Variants in LEMD1 observed in about 807,000 individuals in gnomAD.
The protein encoded by LEMD1 is LEM domain-containing protein 1.
In LEMD1, 18 loss-of-function variants were observed where a neutral mutation model predicts 17.4. The observed-to-expected ratio is 1.04, with a 90% CI of 0.72 to 1.54. The LOEUF (loss-of-function observed/expected upper bound fraction) is 1.54, where lower values mean the gene tolerates loss of function less well. Among genes scored for constraint, LEMD1 ranks in the 40% most tolerant of loss-of-function variants. The pLI, the probability that LEMD1 is intolerant of heterozygous loss-of-function variation, is 0.00. For synonymous variants in LEMD1, 88 were observed against 77.8 expected (o/e 1.13, Z -0.69); for missense variants, 195 against 210.4 (o/e 0.93, Z 0.45).
chr1:205,421,479 CTT>C (rs1665956264), intron 1 of LEMD1, among the ~76,000 whole-genome samples: 1 of 152,154 alleles, frequency 6.6e-6, no homozygotes, highest in African/African-American at 2.4e-5. Flanking sequence ...TAAATAATGA[CTT>C]TGCTTTTGTT....
intron 4 of LEMD1, among the ~76,000 whole-genome samples, chr1:205,388,281 G>A (rs990721016): frequency 1.3e-5 from 2 of 150,582 alleles, no homozygotes; most frequent in Non-Finnish European, 2.9e-5. Flanking sequence ...CACTGCAATC[G>A]CCGCCTCCCA....
At chr1:205,432,462 A>C (rs527331946) in intron 1 of LEMD1, among the ~76,000 whole-genome samples, 1 of 152,376 alleles carries the variant, frequency 6.6e-6, no homozygotes, top group Non-Finnish European at 1.5e-5. Context: ...AAAACTGCCC[A>C]GTGGTTGCTT....
At chr1:205,419,504 C>T (rs1665859242) in intron 2 of LEMD1, 152 bp from the exon 3 acceptor site, 1 of 871,820 alleles carries the variant, frequency 1.1e-6, no homozygotes, top group African/African-American at 1.7e-5. Context: ...CTCACTGTGT[C>T]TCCCAAGCTT....
At chr1:205,439,514 G>C (rs982179448) in intron 1 of LEMD1, among the ~76,000 whole-genome samples, 2 of 152,212 alleles carry the variant, frequency 1.3e-5, no homozygotes, top group African/African-American at 4.8e-5. Context: ...CTTCTCCCAG[G>C]TTTTGGGCGA....
At chr1:205,424,732 C>T (rs536197093), upstream of LEMD1, among the ~76,000 whole-genome samples, 1 of 152,260 alleles carries the variant, frequency 6.6e-6, no homozygotes, top group East Asian at 1.9e-4. Flanking sequence ...GTGAGCAAGA[C>T]AAGAAGTAAG....
Position 205,418,547 on chromosome 1 carries a change from G to A in LEMD1, c.205+683C>T, listed in dbSNP as rs115658129. Among the ~76,000 whole-genome samples the A allele has an allele frequency of 3.7e-3, 565 of 152,218 alleles. 1 individual carries two copies. Among genetic ancestry groups the A allele is most frequent in the Non-Finnish European group, 6.0e-3 (411 of 68,002 alleles). On this transcript the variant is annotated intron_variant, in intron 3 of 5. Coordinates refer to ENST00000367153, the MANE Select transcript of LEMD1 (RefSeq NM_001199050.2). ...CATCTTTTTTTTTAGACGGAGTCTC[G>A]CTCTGTCCACTGGGCTGGAGTACAG...
chr1:205,389,838 A>G (rs1168601688), intron 4 of LEMD1, among the ~76,000 whole-genome samples: 1 of 152,202 alleles, frequency 6.6e-6, no homozygotes, highest in African/African-American at 2.4e-5. Flanking sequence ...CCCTTTATTG[A>G]CTAAAAATTA....
chr1:205,392,950 T>C (rs1471399717), intron 4 of LEMD1, among the ~76,000 whole-genome samples: 2 of 152,202 alleles, frequency 1.3e-5, no homozygotes, highest in Admixed American at 6.5e-5. Flanking sequence ...TAAAGGACAT[T>C]ATCAAGAAAG....
chr1:205,410,265 A>G (rs1366277077), intron 4 of LEMD1, among the ~76,000 whole-genome samples: 2 of 151,970 alleles, frequency 1.3e-5, no homozygotes, highest in Admixed American at 6.6e-5. Flanking sequence ...TCCAGAGCTC[A>G]TTTTCAAGTT....
intron 5 of LEMD1, among the ~76,000 whole-genome samples, chr1:205,383,761 G>A (rs1663845491): frequency 6.6e-6 from 1 of 150,896 alleles, no homozygotes; most frequent in Non-Finnish European, 1.5e-5. Context: ...AGCCTCCCGA[G>A]TAGCTGGGAT....
chr1:205,390,367 A>AC (rs1553391439), intron 4 of LEMD1, among the ~76,000 whole-genome samples: 108 of 152,030 alleles, frequency 7.1e-4, no homozygotes, highest in African/African-American at 2.6e-3. Context: ...AAAAAAAAAA[A>AC]AACAACAAAC....
chr1:205,440,106 A>G (rs7550239), intron 1 of LEMD1, among the ~76,000 whole-genome samples: 136,568 of 152,072 alleles, frequency 0.9, 61,924 homozygotes, highest in East Asian at 0.99. Flanking sequence ...CAGGAGAATC[A>G]AGGGAGGGCA....
chr1:205,422,313 G>A (rs1045822847), upstream of LEMD1, among the ~76,000 whole-genome samples: 2 of 152,174 alleles, frequency 1.3e-5, no homozygotes, highest in African/African-American at 4.8e-5. Flanking sequence ...ATGGTGTCAA[G>A]AAACAAGGAA....
intron 4 of LEMD1, 44 bp from the exon 5 acceptor site, chr1:205,384,408 G>A: frequency 8.0e-7 from 1 of 1,254,832 alleles, no homozygotes; most frequent in Non-Finnish European, 1.1e-6. Flanking sequence ...TGTTTCCAAT[G>A]TCTTATACAA....
In LEMD1 at chr1:205,431,243, G is replaced by T. The variant is rs74640877; in HGVS notation, c.-38-10669C>A. Among the ~76,000 whole-genome samples the T allele has an allele frequency of 1.8e-3, 279 of 152,336 alleles. 2 individuals carry two copies. Among genetic ancestry groups the T allele is most frequent in the African/African-American group, 6.4e-3 (268 of 41,572 alleles). ...CCCAGTTTTCAGTTCAATTTGACCT[G>T]TGCATATTGACTGAATGTCTACTTC... is the stretch of plus-strand genomic sequence containing the variant. On this transcript the variant is annotated intron_variant, in intron 1 of 3. Transcript: ENST00000367154.
chr1:205,387,496 C>T (rs912242882), intron 4 of LEMD1: 8 of 152,132 alleles, frequency 5.3e-5, no homozygotes, highest in African/African-American at 1.7e-4. Flanking sequence ...TCCATTAATG[C>T]TGTTATAATA....
At chr1:205,407,144 A>T (rs1165667682) in intron 4 of LEMD1, among the ~76,000 whole-genome samples, 1 of 152,116 alleles carries the variant, frequency 6.6e-6, no homozygotes. Context: ...AGCCTAGCCA[A>T]CATGATGAAA....
At chr1:205,433,076 C>T (rs1666149884) in intron 1 of LEMD1, among the ~76,000 whole-genome samples, 1 of 152,196 alleles carries the variant, frequency 6.6e-6, no homozygotes, top group Non-Finnish European at 1.5e-5. Context: ...CCCTACTCTA[C>T]AGTTGTGTTC....
At chr1:205,406,259 C>T (rs1398578487) in intron 4 of LEMD1, among the ~76,000 whole-genome samples, 1 of 152,250 alleles carries the variant, frequency 6.6e-6, no homozygotes, top group Non-Finnish European at 1.5e-5. Context: ...ACATTTAAGT[C>T]TGCAAAGGTT....
Sources: allele counts gnomAD v4.1 joint callset (sites outside exome capture counted in the v4.1 genomes callset), GRCh38; gene constraint gnomAD v4.1.1; transcripts MANE v1.5; gene names NCBI Gene and HGNC (gene_info 2026-07-23, HGNC 2026-07-21).